Variants in GRM7 observed in about 807,000 individuals in gnomAD.
GRM7 encodes the protein metabotropic glutamate receptor 7.
A neutral mutation model predicts 84.5 loss-of-function variants in GRM7; 35 were observed. That is an observed-to-expected ratio of 0.41 (90% CI 0.32 to 0.55). The LOEUF is 0.55. Among genes scored for constraint, GRM7 ranks in the 20% least tolerant of loss-of-function variants. GRM7 has a pLI of 0.19. For synonymous variants in GRM7, 487 were observed against 455.1 expected, an observed-to-expected ratio of 1.07 and a Z score of -0.89; for missense variants, 1,003 against 1,194.6, an observed-to-expected ratio of 0.84 and a Z score of 2.36.
At chr3:7,398,195 A>C (rs1266217647) in intron 4 of GRM7, among the ~76,000 whole-genome samples, 1 of 152,208 alleles carries the variant, frequency 6.6e-6, no homozygotes, top group Non-Finnish European at 1.5e-5. Context: ...GAAAGCACTT[A>C]GGAAATATGG....
intron 1 of GRM7, among the ~76,000 whole-genome samples, chr3:7,060,594 A>T (rs71298408): frequency 1.3e-5 from 2 of 151,880 alleles, no homozygotes; most frequent in South Asian, 4.2e-4. Flanking sequence ...GAACTATTAC[A>T]AGAATGATAA....
intron 2 of GRM7, among the ~76,000 whole-genome samples, chr3:7,238,437 T>TC (rs1156312541): frequency 3.9e-5 from 6 of 152,116 alleles, no homozygotes; most frequent in African/African-American, 1.2e-4. Context: ...AAGCTATTTT[T>TC]TCACCACTCC....
chr3:6,914,602 C>T (rs578241290), intron 1 of GRM7, among the ~76,000 whole-genome samples: 46 of 152,102 alleles, frequency 3.0e-4, no homozygotes, highest in African/African-American at 9.4e-4. Context: ...GGGGTTTCAC[C>T]ATGTTGGTCA....
intron 2 of GRM7, among the ~76,000 whole-genome samples, chr3:7,246,192 C>T (rs1277592905): frequency 6.6e-6 from 1 of 152,048 alleles, no homozygotes; most frequent in East Asian, 1.9e-4. Context: ...TAGGTTTTTA[C>T]AATCCTTTTC....
chr3:7,537,364 A>C (rs557832580), intron 7 of GRM7, among the ~76,000 whole-genome samples: 1 of 152,308 alleles, frequency 6.6e-6, no homozygotes, highest in South Asian at 2.1e-4. Flanking sequence ...TACTTTAGCA[A>C]AGGGACAATG....
At chr3:7,030,724 A>C in intron 1 of GRM7, among the ~76,000 whole-genome samples, 1 of 152,202 alleles carries the variant, frequency 6.6e-6, no homozygotes, top group East Asian at 1.9e-4. Flanking sequence ...ATGAATGATA[A>C]TGATTTGGAA....
rs3030894 is a variant in GRM7, at chr3:7,341,373, GT to G, written c.1033+34731del. Reference sequence around the variant, plus strand: ...CAAATAACGGTAAAATTCAACTCATGTTTTTTTTTTGTTTATTTAGCAAACA... The same window carrying G: ...CAAATAACGGTAAAATTCAACTCATGTTTTTTTTTGTTTATTTAGCAAACA... On this transcript the variant is annotated intron_variant, in intron 4 of 9. Transcript: ENST00000357716. Among the ~76,000 whole-genome samples the G allele has an allele frequency of 6.0e-3, 537 of 89,390 alleles. 2 individuals are homozygous for G. The highest frequency in any genetic ancestry group is 0.025 in the African/African-American group (458 of 18,476). The allele number at this position is 89,390 out of a possible 152,430, so 58.6% of individuals were successfully genotyped here.
At chr3:6,982,612 GA>G (rs895916335) in intron 1 of GRM7, among the ~76,000 whole-genome samples, 232 of 139,208 alleles carry the variant, frequency 1.7e-3, no homozygotes, top group Non-Finnish European at 2.9e-3. Flanking sequence ...CAACTCAAAA[GA>G]AAAAAAAAAA....
At chr3:7,716,497 A>C (rs1234432944) in intron 9 of GRM7, among the ~76,000 whole-genome samples, 3 of 152,254 alleles carry the variant, frequency 2.0e-5, no homozygotes, top group African/African-American at 7.2e-5. Context: ...AGCCAGGGGC[A>C]TATATTAACA....
At chr3:7,216,453 T>C (rs17695560) in intron 2 of GRM7, among the ~76,000 whole-genome samples, 15,658 of 152,250 alleles carry the variant, frequency 0.1, 1,049 homozygotes, top group Non-Finnish European at 0.16. Flanking sequence ...CAAAATAAAG[T>C]AGTACATCCC....
chr3:7,505,859 T>G (rs1700025170), intron 7 of GRM7, among the ~76,000 whole-genome samples: 1 of 152,110 alleles, frequency 6.6e-6, no homozygotes, highest in African/African-American at 2.4e-5. Context: ...GTCTTCCAAG[T>G]TTTTCTCCCA....
intron 1 of GRM7, among the ~76,000 whole-genome samples, chr3:7,138,793 G>A (rs1032567214): frequency 1.3e-5 from 2 of 151,310 alleles, no homozygotes; most frequent in Non-Finnish European, 3.0e-5. Context: ...ATTTATAAAA[G>A]CAATGGAGAC....
chr3:6,968,863 G>A (rs902176096), intron 1 of GRM7, among the ~76,000 whole-genome samples: 20 of 152,118 alleles, frequency 1.3e-4, no homozygotes, highest in African/African-American at 4.3e-4. Flanking sequence ...TACCACATGT[G>A]TACCGCTCTG....
Position 6,927,651 on chromosome 3 carries a change from G to A in GRM7, c.519+65744G>A, listed in dbSNP as rs983230026. On this transcript the variant is annotated intron_variant, in intron 1 of 9. Transcript: ENST00000357716. ...TTTTTCCACTATTACATGCATTTAT[G>A]TTCATATGCATATGTAAATCTACTC... 4.6e-5 allele frequency among the ~76,000 whole-genome samples: 7 copies of A among 152,118 alleles called. No homozygotes were observed. The East Asian group carries it at 5.8e-4, about 13-fold the overall frequency.
At chr3:7,481,001 G>C (rs76369546) in intron 7 of GRM7, among the ~76,000 whole-genome samples, 3 of 152,018 alleles carry the variant, frequency 2.0e-5, no homozygotes, top group Non-Finnish European at 4.4e-5. Context: ...TAATATGAAA[G>C]TATGCAAGTG....
intron 5 of GRM7, among the ~76,000 whole-genome samples, chr3:7,422,835 G>T (rs1176120596): frequency 6.6e-6 from 1 of 151,944 alleles, no homozygotes; most frequent in African/African-American, 2.4e-5. Context: ...AACTACCATG[G>T]TTAGAAAATA....
At chr3:7,534,656 T>C (rs1207491719) in intron 7 of GRM7, among the ~76,000 whole-genome samples, 2 of 152,172 alleles carry the variant, frequency 1.3e-5, no homozygotes, top group Non-Finnish European at 2.9e-5. Context: ...GGTTATTCCA[T>C]TTATTCAGGA....
At chr3:6,964,997 A>G (rs1439712155) in intron 1 of GRM7, among the ~76,000 whole-genome samples, 3 of 151,728 alleles carry the variant, frequency 2.0e-5, no homozygotes, top group African/African-American at 7.3e-5. Context: ...CTTTGCCACC[A>G]CTCTGGCCCA....
In GRM7 at chr3:7,001,870, C is replaced by T. The variant is rs147344867; in HGVS notation, c.519+139963C>T. 5.0e-3 allele frequency among the ~76,000 whole-genome samples: 756 copies of T among 152,320 alleles called. 10 individuals are homozygous for T. Among genetic ancestry groups the T allele is most frequent in the African/African-American group, 0.018 (729 of 41,578 alleles). ...ATATACCACTTGCAGGTAGAAGTCC[C>T]ATCTGCACATCGATTCACTTCAGCC... On this transcript the variant is annotated intron_variant, in intron 1 of 9. Transcript: ENST00000357716.
Sources: gnomAD v4.1 joint callset for allele counts (sites outside exome capture counted in the v4.1 genomes callset) on GRCh38, gnomAD v4.1.1 for gene constraint, MANE v1.5 for transcripts, NCBI Gene and HGNC (gene_info 2026-07-23, HGNC 2026-07-21) for gene names.